IL1RAPL2: variants seen among roughly 807,000 people sequenced by gnomAD.
The protein encoded by IL1RAPL2 is X-linked interleukin-1 receptor accessory protein-like 2.
A neutral mutation model predicts 44.1 loss-of-function variants in IL1RAPL2; 3 were observed. The observed-to-expected ratio is 0.07, with a 90% CI of 0.03 to 0.18. IL1RAPL2 has a LOEUF of 0.18. Ranked by LOEUF, IL1RAPL2 falls within the 10% of genes least tolerant of loss-of-function variation. IL1RAPL2 has a pLI of 1.00. For synonymous variants in IL1RAPL2, 181 were observed against 178.8 expected (o/e 1.01, Z -0.10); for missense variants, 391 against 496.4 (o/e 0.79, Z 2.02).
At chrX:105,582,223 G>A (rs1476877007) in intron 6 of IL1RAPL2, among the ~76,000 whole-genome samples, 2 of 111,514 alleles carry the variant, frequency 1.8e-5, no homozygotes, top group African/African-American at 6.5e-5. Flanking sequence ...CTTGAATGCT[G>A]TAACTTTATA....
chrX:105,012,603 TCTC>T (rs1405820394), intron 2 of IL1RAPL2, among the ~76,000 whole-genome samples: 2 of 17,792 alleles, frequency 1.1e-4, no homozygotes, highest in African/African-American at 4.0e-4. Context: ...TCTCTTTCTC[TCTC>T]TCTCTCTCTC....
At chrX:105,423,764 A>G (rs1035322363) in intron 5 of IL1RAPL2, among the ~76,000 whole-genome samples, 2 of 110,537 alleles carry the variant, frequency 1.8e-5, no homozygotes, top group African/African-American at 6.6e-5. Flanking sequence ...AAAATCCTCA[A>G]ACTCATCTTC....
At chrX:105,324,266 G>T (rs960318513) in intron 5 of IL1RAPL2, among the ~76,000 whole-genome samples, 2 of 111,209 alleles carry the variant, frequency 1.8e-5, no homozygotes, top group African/African-American at 6.5e-5. Context: ...TAGGATGTCA[G>T]AAGTGGTAAG....
intron 2 of IL1RAPL2, among the ~76,000 whole-genome samples, chrX:104,894,493 C>CT (rs1189515955): frequency 1.8e-5 from 2 of 111,470 alleles, no homozygotes; most frequent in Non-Finnish European, 3.8e-5. Context: ...TCTTTTTACT[C>CT]TTTTTTTCTC....
At chrX:105,706,388 ATGAT>A (rs1485410403) in intron 6 of IL1RAPL2, among the ~76,000 whole-genome samples, 3 of 112,103 alleles carry the variant, frequency 2.7e-5, no homozygotes, top group Non-Finnish European at 5.6e-5. Context: ...ATACTGGAAA[ATGAT>A]TGGGCATTAT....
chrX:104,911,934 A>G (rs1268414846), intron 2 of IL1RAPL2, among the ~76,000 whole-genome samples: 1 of 111,269 alleles, frequency 9.0e-6, no homozygotes, highest in Non-Finnish European at 1.9e-5. Context: ...TCAGGCCTTC[A>G]CTCAAATATC....
chrX:104,759,590 T>C (rs1377059009), intron 2 of IL1RAPL2, among the ~76,000 whole-genome samples: 1 of 111,387 alleles, frequency 9.0e-6, no homozygotes, highest in East Asian at 2.8e-4. Flanking sequence ...GCACAAATAT[T>C]TTCTTACCTG....
At chrX:105,252,102 C>T (rs968028405) in intron 4 of IL1RAPL2, among the ~76,000 whole-genome samples, 5 of 111,071 alleles carry the variant, frequency 4.5e-5, no homozygotes, top group Non-Finnish European at 9.5e-5. Context: ...CTCGTCCCAG[C>T]CTTAGTCTTT....
At chrX:104,730,018 GA>G (rs1468765635) in intron 2 of IL1RAPL2, among the ~76,000 whole-genome samples, 2 of 110,344 alleles carry the variant, frequency 1.8e-5, no homozygotes, top group Admixed American at 1.9e-4. Flanking sequence ...ATGATATAAG[GA>G]AAAAATATTT....
chrX:104,716,527 C>T (rs1602694524), intron 2 of IL1RAPL2, among the ~76,000 whole-genome samples: 1 of 111,366 alleles, frequency 9.0e-6, no homozygotes, highest in East Asian at 2.8e-4. Context: ...AACTATGCAT[C>T]TGACTAAGGC....
In IL1RAPL2 at chrX:105,089,302, CT is replaced by C. The variant is rs1480486980; in HGVS notation, c.83-106168del. On this transcript the variant is annotated intron_variant, in intron 2 of 10. Transcript: ENST00000372582. ...TTATCCCCAACCTCAACTCCAAAAC[CT>C]TTTTCAGCCAAGCAAGAGAATAGGA... Among the ~76,000 whole-genome samples, 3 of 110,998 alleles carry C rather than the reference CT, an allele frequency of 2.7e-5. No individual in the cohort carries two copies. In the East Asian group the frequency reaches 8.5e-4, roughly 31 times the overall value.
chrX:105,569,073 C>G (rs1231030689), intron 6 of IL1RAPL2, among the ~76,000 whole-genome samples: 1 of 111,591 alleles, frequency 9.0e-6, no homozygotes, highest in Non-Finnish European at 1.9e-5. Context: ...TGCCATTTTA[C>G]GAATGCCGTC....
intron 2 of IL1RAPL2, among the ~76,000 whole-genome samples, chrX:104,919,802 A>G (rs963723373): frequency 4.6e-5 from 5 of 108,394 alleles, no homozygotes; most frequent in Non-Finnish European, 7.7e-5. Flanking sequence ...CGACCTCCCA[A>G]TGTGCTGGGA....
intron 5 of IL1RAPL2, among the ~76,000 whole-genome samples, chrX:105,282,930 G>T (rs923603692): frequency 2.7e-5 from 3 of 111,394 alleles, no homozygotes; most frequent in Non-Finnish European, 5.7e-5. Context: ...AATCCCCCTT[G>T]CTCTTAAAAT....
chrX:104,670,814 A>G (rs2148027916), intron 2 of IL1RAPL2, among the ~76,000 whole-genome samples: 1 of 110,903 alleles, frequency 9.0e-6, no homozygotes, highest in East Asian at 2.9e-4. Flanking sequence ...ATTACTGCCC[A>G]TTTTCCATAA....
intron 4 of IL1RAPL2, among the ~76,000 whole-genome samples, chrX:105,263,966 C>T (rs1228992248): frequency 1.8e-5 from 2 of 111,580 alleles, no homozygotes; most frequent in African/African-American, 6.5e-5. Context: ...CATCTTGAGA[C>T]TTGACCTATG....
intron 5 of IL1RAPL2, among the ~76,000 whole-genome samples, chrX:105,281,481 A>G (rs2034532080): frequency 8.9e-6 from 1 of 112,639 alleles, no homozygotes; most frequent in Admixed American, 9.4e-5. Context: ...ACATCATATT[A>G]ATTGCAGTCA....
chrX:105,260,333 A>G (rs1215775416), intron 4 of IL1RAPL2, among the ~76,000 whole-genome samples: 2 of 112,276 alleles, frequency 1.8e-5, no homozygotes, highest in African/African-American at 6.5e-5. Context: ...TAGCCAGAGA[A>G]CACCAACAGG....
chrX:105,488,205 A>G (rs1218487813), intron 6 of IL1RAPL2, among the ~76,000 whole-genome samples: 1 of 112,079 alleles, frequency 8.9e-6, no homozygotes, highest in African/African-American at 3.2e-5. Context: ...ACACTTGACC[A>G]ATAGGGTGTG....
Sources: gnomAD v4.1 joint callset for allele counts (sites outside exome capture counted in the v4.1 genomes callset) on GRCh38, gnomAD v4.1.1 for gene constraint, MANE v1.5 for transcripts, NCBI Gene and HGNC (gene_info 2026-07-23, HGNC 2026-07-21) for gene names.